TAPT1: variants seen among roughly 807,000 people sequenced by gnomAD.
TAPT1 encodes transmembrane anterior posterior transformation protein 1 homolog.
TAPT1 carries 28 observed loss-of-function variants against 65.6 expected under a neutral mutation model. The observed-to-expected ratio is 0.43, with a 90% CI of 0.32 to 0.59. The LOEUF is 0.59. Among genes scored for constraint, TAPT1 ranks in the 20% least tolerant of loss-of-function variants. TAPT1 has a pLI of 0.09. For missense variants in TAPT1, 563 were observed against 679.9 expected (o/e 0.83, Z 1.91); for synonymous variants, 278 against 245.2 (o/e 1.13, Z -1.25).
chr4:16,220,943 A>G (rs1425099658), intron 1 of TAPT1, among the ~76,000 whole-genome samples: 2 of 151,612 alleles, frequency 1.3e-5, no homozygotes, highest in Non-Finnish European at 2.9e-5. Context: ...TATGTTGCCT[A>G]GGCTGGTCTT....
At chr4:16,215,708 CA>C (rs2108892274) in intron 1 of TAPT1, among the ~76,000 whole-genome samples, 1 of 152,250 alleles carries the variant, frequency 6.6e-6, no homozygotes, top group East Asian at 1.9e-4. Flanking sequence ...TAAGTGCACG[CA>C]ATATGTAAAC....
At chr4:16,163,641 A>G (rs1300111231) in intron 13 of TAPT1, 104 bp from the exon 14 acceptor site, 6 of 820,432 alleles carry the variant, frequency 7.3e-6, no homozygotes, top group Admixed American at 5.6e-5. Flanking sequence ...CCCATTATCC[A>G]TGCTTTCCGA....
intron 3 of TAPT1, among the ~76,000 whole-genome samples, chr4:16,197,566 C>G (rs1037080438): frequency 6.6e-6 from 1 of 152,274 alleles, no homozygotes; most frequent in East Asian, 1.9e-4. Flanking sequence ...ATTTTTCATT[C>G]AATTCTACAA....
chr4:16,226,205 C>T, intron 1 of TAPT1, 54 bp downstream of exon 1: 4 of 1,091,322 alleles, frequency 3.7e-6, no homozygotes, highest in Non-Finnish European at 3.3e-6. Context: ...CCGCCGCCCT[C>T]GGTCCCCAGT....
intron 1 of TAPT1, chr4:16,214,575 A>C (rs1750828729): frequency 6.6e-6 from 1 of 152,228 alleles, no homozygotes; most frequent in Admixed American, 6.5e-5. Context: ...CAGGTGAGAA[A>C]AACAAGGTCA....
chr4:16,206,022 A>G (rs552761453), intron 2 of TAPT1, among the ~76,000 whole-genome samples: 2 of 152,358 alleles, frequency 1.3e-5, no homozygotes, highest in East Asian at 3.9e-4. Context: ...AACAATCAGC[A>G]GAATGTTAAG....
intron 2 of TAPT1, among the ~76,000 whole-genome samples, chr4:16,213,030 A>C (rs1750734585): frequency 6.6e-6 from 1 of 152,266 alleles, no homozygotes; most frequent in Admixed American, 6.5e-5. Context: ...GATTCTAAGA[A>C]GACGACTGGA....
At chr4:16,194,869 TC>T (rs1578449693) in intron 3 of TAPT1, among the ~76,000 whole-genome samples, 2 of 35,414 alleles carry the variant, frequency 5.6e-5, no homozygotes, top group East Asian at 3.1e-3. Context: ...GTCTTCTTCT[TC>T]TTCTTCTTCT....
intron 1 of TAPT1, among the ~76,000 whole-genome samples, chr4:16,218,833 T>C (rs1751090888): frequency 6.6e-6 from 1 of 152,212 alleles, no homozygotes; most frequent in African/African-American, 2.4e-5. Context: ...ATCCTAGCTC[T>C]ATCATTAAAA....
At chr4:16,183,230 T>C (rs955401848) in intron 7 of TAPT1, 13 of 152,214 alleles carry the variant, frequency 8.5e-5, no homozygotes, top group Non-Finnish European at 1.8e-4. Context: ...GTAAAGTTAA[T>C]TTCTTATAAA....
chr4:16,183,251 G>A (rs558432597), intron 7 of TAPT1: 186 of 152,064 alleles, frequency 1.2e-3, no homozygotes, highest in African/African-American at 4.4e-3. Flanking sequence ...ACTCTTAAAG[G>A]GTACAATGCG....
At chr4:16,184,354 T>C (rs1421005219) in intron 7 of TAPT1, among the ~76,000 whole-genome samples, 1 of 152,250 alleles carries the variant, frequency 6.6e-6, no homozygotes, top group African/African-American at 2.4e-5. Flanking sequence ...TTCATTCTTT[T>C]ATCTTTAATT....
In TAPT1 at chr4:16,163,390, T is replaced by C. The variant is rs572498159; in HGVS notation, c.1622A>G (p.Asn541Ser). 4.3e-6 allele frequency: 7 copies of C among 1,614,004 alleles called. No individual in the cohort carries two copies. In the South Asian group the frequency reaches 4.4e-5, roughly 10 times the overall value. The change falls in exon 14 of 14, where the codon AAT becomes AGT. Residue 541 changes from asparagine to serine, a missense_variant. This residue lies in a region of TAPT1 where 136 missense variants were observed against 153.9 expected (regional missense o/e 0.88). Coordinates refer to ENST00000405303, the MANE Select transcript of TAPT1 (RefSeq NM_153365.3). ...DGDEKDITQD[N>S]SELKHRSSKK... ...TGAGGATCTGTGTTTTAATTCAGAA[T>C]TGTCCTGCGTTATGTCCTTCTCGTC...
intron 2 of TAPT1, among the ~76,000 whole-genome samples, chr4:16,211,042 G>T (rs1232882879): frequency 6.8e-6 from 1 of 146,302 alleles, no homozygotes; most frequent in African/African-American, 2.7e-5. Flanking sequence ...AAAAATTGGG[G>T]TGTTTTTTTT....
intron 2 of TAPT1, among the ~76,000 whole-genome samples, chr4:16,208,329 T>G (rs1266708901): frequency 6.6e-6 from 1 of 152,202 alleles, no homozygotes; most frequent in Non-Finnish European, 1.5e-5. Context: ...GCTAACCCAA[T>G]AACCATTCTC....
intron 2 of TAPT1, among the ~76,000 whole-genome samples, chr4:16,208,120 A>C (rs193288389): frequency 7.4e-4 from 112 of 152,350 alleles, no homozygotes; most frequent in African/African-American, 2.5e-3. Flanking sequence ...TGAGAGGGGA[A>C]TAAGTAAATC....
chr4:16,166,762 C>G lies in TAPT1; in HGVS notation c.1345G>C (p.Val449Leu). The part of the protein sequence containing the change: ...LISLKVLNSI[V>L]LLGKSCQYVK... ...TACTGGCACGATTTCCCCAACAGCACGATGCTATTAAGTACTTTCAGGGAT... is the reference window on the plus strand; with the variant it reads ...TACTGGCACGATTTCCCCAACAGCAGGATGCTATTAAGTACTTTCAGGGAT... Residue 449 changes from valine (V) to leucine (L), a missense_variant, in exon 13 of 14, where the codon GTG (valine) becomes CTG (leucine). Val to Leu is a conservative substitution (Grantham distance 32). Coordinates refer to ENST00000405303, the MANE Select transcript of TAPT1 (RefSeq NM_153365.3). The G allele has an allele frequency of 1.2e-6, 2 of 1,613,858 alleles. No homozygotes were observed. The highest frequency in any genetic ancestry group is 1.7e-6 in the Non-Finnish European group (2 of 1,179,872).
At chr4:16,189,064 AT>A (rs1237537737) in intron 4 of TAPT1, among the ~76,000 whole-genome samples, 4 of 152,084 alleles carry the variant, frequency 2.6e-5, no homozygotes, top group Non-Finnish European at 5.9e-5. Context: ...AATGGTAACT[AT>A]TTTTTTGAGG....
At chr4:16,227,287 T>G (rs1411052234), upstream of TAPT1, 1 of 455,668 alleles carries the variant, frequency 2.2e-6, no homozygotes, top group African/African-American at 2.0e-5. Context: ...GAGACAGCCC[T>G]TGGCCACCAC....
Sources: gnomAD v4.1 joint callset for allele counts (sites outside exome capture counted in the v4.1 genomes callset) on GRCh38, gnomAD v4.1.1 for gene constraint, gnomAD v4.1.1 regional missense constraint, MANE v1.5 for transcripts, NCBI Gene and HGNC (gene_info 2026-07-23, HGNC 2026-07-21) for gene names.